Variants in C16orf96 observed in about 807,000 individuals in gnomAD.
The protein encoded by C16orf96 is chromosome 16 open reading frame 96.
C16orf96 carries 108 observed loss-of-function variants against 103.6 expected under a neutral mutation model. The ratio of observed to expected loss-of-function variants is 1.04; its 90% CI spans 0.89 to 1.22. The LOEUF (loss-of-function observed/expected upper bound fraction) is 1.22. Among genes scored for constraint, C16orf96 ranks in the 50% most tolerant of loss-of-function variants. The pLI, the probability that C16orf96 is intolerant of heterozygous loss-of-function variation, is 0.00. For synonymous variants in C16orf96, 566 were observed against 593.5 expected (o/e 0.95, Z 0.67); for missense variants, 1,586 against 1,464.2 (o/e 1.08, Z -1.36).
chr16:4,552,714 G>T (rs1195945217), upstream of C16orf96, among the ~76,000 whole-genome samples: 1 of 152,134 alleles, frequency 6.6e-6, no homozygotes, highest in African/African-American at 2.4e-5. Context: ...GTCACAGTGT[G>T]TGCAATTTTT....
At chr16:4,579,903 G>A (rs934920939) in intron 6 of C16orf96, 112 bp from the exon 7 acceptor site, 10 of 878,724 alleles carry the variant, frequency 1.1e-5, no homozygotes, top group East Asian at 2.9e-5. Context: ...GAGCCACCAC[G>A]CCCAGCCTGG....
chr16:4,580,461 C>G (rs968444079), intron 7 of C16orf96, among the ~76,000 whole-genome samples: 16 of 152,070 alleles, frequency 1.1e-4, no homozygotes, highest in African/African-American at 3.6e-4. Flanking sequence ...CTTGTGCCAA[C>G]TGTTACATTC....
In C16orf96 at chr16:4,586,950, C is replaced by A. The variant is rs919270619; in HGVS notation, c.2353-89C>A. 3.5e-5 allele frequency: 43 copies of A among 1,230,782 alleles called. No homozygotes were observed. The Middle Eastern group carries it at 5.8e-4, about 17-fold the overall frequency. The allele number at this position is 1,230,782 out of a possible 1,614,324, so 76.2% of individuals were successfully genotyped here. On this transcript the variant is annotated intron_variant, in intron 7 of 15. Transcript: ENST00000444310. ...GTCCACACGGCCTGCTATCCCTCCCCAGCATATGGTAATGGTAGAGGTGGG... is the reference window on the plus strand; with the variant it reads ...GTCCACACGGCCTGCTATCCCTCCCAAGCATATGGTAATGGTAGAGGTGGG...
intron 1 of C16orf96, chr16:4,563,232 C>T (rs1050864109): frequency 2.1e-4 from 113 of 531,216 alleles, no homozygotes; most frequent in Middle Eastern, 5.8e-4. Context: ...CCCTCTTGCT[C>T]GTTCGCTCAT....
intron 1 of C16orf96, among the ~76,000 whole-genome samples, chr16:4,557,197 T>C (rs531333149): frequency 6.6e-6 from 1 of 152,244 alleles, no homozygotes; most frequent in South Asian, 2.1e-4. Flanking sequence ...CTCAAACCCC[T>C]GATCTCAACT....
At chr16:4,570,578 C>G (rs947339156) in intron 1 of C16orf96, among the ~76,000 whole-genome samples, 2 of 151,808 alleles carry the variant, frequency 1.3e-5, no homozygotes, top group African/African-American at 4.8e-5. Context: ...GATTCTCCTG[C>G]CCCATCCTCC....
chr16:4,558,105 G>A (rs1219288214), intron 1 of C16orf96, among the ~76,000 whole-genome samples: 2 of 152,210 alleles, frequency 1.3e-5, no homozygotes, highest in Admixed American at 1.3e-4. Context: ...CCAGCCCTGT[G>A]AGGAGCAGCA....
chr16:4,565,715 C>T lies in C16orf96; in HGVS notation c.421-5846C>T, dbSNP rs1323681894. ...TGTTGGCCAGGCTGATCTCGAACTC[C>T]TGACCTCAGGTGATCTGCCCACTTT... On this transcript the variant is annotated intron_variant, in intron 1 of 15. Coordinates refer to ENST00000444310, the MANE Select transcript of C16orf96 (RefSeq NM_001145011.2). Among the ~76,000 whole-genome samples, 4 of 152,246 alleles carry T rather than the reference C, an allele frequency of 2.6e-5. No individual in the cohort carries two copies. The East Asian group carries it at 5.8e-4, about 22-fold the overall frequency.
chr16:4,592,688 C>T (rs1897086803), intron 11 of C16orf96, among the ~76,000 whole-genome samples: 2 of 152,200 alleles, frequency 1.3e-5, no homozygotes, highest in Admixed American at 1.3e-4. Context: ...ATACACTGTT[C>T]TACAGCCATC....
chr16:4,556,769 C>G lies in C16orf96; in HGVS notation c.280C>G (p.Gln94Glu), dbSNP rs1200798376. The G allele has an allele frequency of 6.4e-7, 1 of 1,551,592 alleles. No homozygotes were observed. The highest frequency in any genetic ancestry group is 1.4e-5 in the African/African-American group (1 of 73,048). The change falls in exon 1 of 16, where the codon CAG (glutamine) becomes GAG (glutamate). Residue 94 changes from glutamine to glutamate, a missense_variant. Physicochemically the swap from Gln to Glu is conservative, Grantham distance 29. Transcript: ENST00000444310. Reference protein sequence around the residue: ...VVSRLDKLENQLALLQDLPST... With the variant: ...VVSRLDKLENELALLQDLPST... ...GAGCCGCCTCGACAAGTTGGAGAAC[C>G]AGCTGGCCCTGCTGCAGGACCTGCC...
intron 5 of C16orf96, among the ~76,000 whole-genome samples, chr16:4,578,555 C>T (rs1304118816): frequency 2.6e-5 from 4 of 151,978 alleles, no homozygotes; most frequent in Non-Finnish European, 4.4e-5. Context: ...GTCAAGAGAT[C>T]GAGACCAACC....
At chr16:4,580,752 C>T (rs1596529612) in intron 7 of C16orf96, among the ~76,000 whole-genome samples, 1 of 151,364 alleles carries the variant, frequency 6.6e-6, no homozygotes, top group Admixed American at 6.6e-5. Context: ...TTTGGGAGGC[C>T]GAGGTGTGGT....
In C16orf96 at chr16:4,600,380, G is replaced by A; in HGVS notation, c.*63G>A. 3.2e-6 allele frequency: 4 copies of A among 1,238,178 alleles called. No individual in the cohort carries two copies. Among genetic ancestry groups the A allele is most frequent in the Non-Finnish European group, 4.5e-6 (4 of 880,042 alleles). The allele number at this position is 1,238,178 out of a possible 1,614,324, so 76.7% of individuals were successfully genotyped here. ...CCACGTCCGAGGCTGAGGCCCATGT[G>A]GCCCTCCCACTCCCACCAAGTCCCC... On this transcript the variant is annotated 3_prime_UTR_variant, in exon 16 of 16. Transcript: ENST00000444310.
At chr16:4,580,883 A>T (rs1210074112) in intron 7 of C16orf96, among the ~76,000 whole-genome samples, 2 of 151,186 alleles carry the variant, frequency 1.3e-5, no homozygotes, top group African/African-American at 4.9e-5. Context: ...CCAGCACTTT[A>T]GGAGGCTGAG....
At chr16:4,581,136 GTATACATATATATATATATATATA>G (rs1388712674) in intron 7 of C16orf96, among the ~76,000 whole-genome samples, 1 of 40,776 alleles carries the variant, frequency 2.5e-5, no homozygotes, top group African/African-American at 6.7e-5. Context: ...AAATATATAT[GTATACATATATATATATATATATA>G]TATATATATA....
In C16orf96 at chr16:4,581,851, G is replaced by C. The variant is rs148395850; in HGVS notation, c.2352+1726G>C. Among the ~76,000 whole-genome samples, 408 of 152,202 alleles carry C rather than the reference G, an allele frequency of 2.7e-3. 3 individuals are homozygous for C. Among genetic ancestry groups the C allele is most frequent in the Non-Finnish European group, 4.6e-3 (311 of 68,024 alleles). ...CATGCCTGTAGTCCCAGCTACCTGG[G>C]AGGCTGAGGTGGGAGGATTGCTTCA... On this transcript the variant is annotated intron_variant, in intron 7 of 15. Coordinates refer to ENST00000444310, the MANE Select transcript of C16orf96 (RefSeq NM_001145011.2).
At chr16:4,554,676 C>T (rs181371929), upstream of C16orf96, among the ~76,000 whole-genome samples, 16 of 149,062 alleles carry the variant, frequency 1.1e-4, 1 homozygote, top group East Asian at 4.1e-4. Flanking sequence ...TTGTTTGAGA[C>T]GGAGTCTTGC....
intron 1 of C16orf96, chr16:4,563,076 G>T (rs922674252): frequency 4.9e-6 from 4 of 817,856 alleles, no homozygotes; most frequent in Non-Finnish European, 8.4e-6. Flanking sequence ...CCTGTCTTTT[G>T]CTTCTTTACA....
At chr16:4,553,832 G>A (rs538449173), upstream of C16orf96, among the ~76,000 whole-genome samples, 23 of 152,228 alleles carry the variant, frequency 1.5e-4, no homozygotes, top group East Asian at 3.9e-3. Flanking sequence ...ATTTCTAGCC[G>A]CCATGTTTTA....
Sources: gnomAD v4.1 joint callset for allele counts (sites outside exome capture counted in the v4.1 genomes callset) on GRCh38, gnomAD v4.1.1 for gene constraint, MANE v1.5 for transcripts, NCBI Gene and HGNC (gene_info 2026-07-23, HGNC 2026-07-21) for gene names.